Variants in UNC13C observed in about 807,000 individuals in gnomAD.
The protein encoded by UNC13C is unc-13 homolog C.
Under a neutral mutation model 245.4 loss-of-function variants are expected in UNC13C, and 174 were observed. The ratio of observed to expected loss-of-function variants is 0.71; its 90% CI spans 0.63 to 0.80. The LOEUF is 0.80. Ranked by LOEUF, UNC13C falls within the 30% of genes least tolerant of loss-of-function variation. The pLI, the probability that UNC13C is intolerant of heterozygous loss-of-function variation, is 0.00. For missense variants in UNC13C, 2,829 were observed against 2,602.9 expected (o/e 1.09, Z -1.89); for synonymous variants, 992 against 895.1 (o/e 1.11, Z -1.93).
chr15:54,503,802 A>G (rs1274070482), intron 22 of UNC13C, among the ~76,000 whole-genome samples: 1 of 152,202 alleles, frequency 6.6e-6, no homozygotes. Flanking sequence ...CTGACTAATT[A>G]GTCTTGAAAA....
chr15:53,941,175 G>C, the UNC13C span, among the ~76,000 whole-genome samples: 6 of 152,078 alleles, frequency 3.9e-5, no homozygotes, highest in Non-Finnish European at 8.8e-5. Context: ...TCTGATCTTT[G>C]ACAAACCTGG....
the UNC13C span, among the ~76,000 whole-genome samples, chr15:53,920,376 A>T: frequency 6.6e-6 from 1 of 152,114 alleles, no homozygotes; most frequent in Non-Finnish European, 1.5e-5. Context: ...CAACATGATG[A>T]AACCCTGTCT....
At chr15:54,301,626 T>A (rs1427299465) in intron 13 of UNC13C, among the ~76,000 whole-genome samples, 1 of 152,198 alleles carries the variant, frequency 6.6e-6, no homozygotes, top group African/African-American at 2.4e-5. Context: ...ACTCATCCTT[T>A]TTTATAGCTG....
chr15:53,888,497 G>A, the UNC13C span, among the ~76,000 whole-genome samples: 1 of 152,124 alleles, frequency 6.6e-6, no homozygotes, highest in African/African-American at 2.4e-5. Flanking sequence ...CCTTCTGTAG[G>A]TTGCCTGATC....
At chr15:53,924,044 A>AC in the UNC13C span, among the ~76,000 whole-genome samples, 1 of 151,968 alleles carries the variant, frequency 6.6e-6, no homozygotes, top group African/African-American at 2.4e-5. Context: ...CTCTACTAAA[A>AC]ACACACAAAA....
rs1284204005 is a variant in UNC13C, at chr15:54,004,624, C to T, written c.-256-8024C>T. ...GTGGTTGTAGTAATTTACATTCCCA[C>T]CAATAGTATACAAGGGCTTCCTTTT... On this transcript the variant is annotated intron_variant, in intron 1 of 32. Coordinates refer to ENST00000260323, the MANE Select transcript of UNC13C (RefSeq NM_001080534.3). Among the ~76,000 whole-genome samples, 4 of 152,180 alleles carry T rather than the reference C, an allele frequency of 2.6e-5. No homozygotes were observed. The East Asian group carries it at 7.7e-4, about 29-fold the overall frequency.
rs142970642 is a variant in UNC13C at position 54,443,623 on chromosome 15, A to G, written c.4933+28556A>G. Among the ~76,000 whole-genome samples the G allele has an allele frequency of 6.9e-3, 1,049 of 152,118 alleles. 11 individuals are homozygous for G. The highest frequency in any genetic ancestry group is 0.024 in the African/African-American group (1,004 of 41,540). ...TGTGTTTCTATTTTTATTTGTTTCA[A>G]TAAACTTTCTGATTTTCATCTGGAT... On this transcript the variant is annotated intron_variant, in intron 19 of 32. Transcript: ENST00000260323.
chr15:54,263,003 T>C (rs1312325835), intron 8 of UNC13C, among the ~76,000 whole-genome samples: 1 of 152,196 alleles, frequency 6.6e-6, no homozygotes, highest in East Asian at 1.9e-4. Flanking sequence ...ACATTACTGA[T>C]ATTATCTTTT....
At chr15:53,990,240 CTT>C (rs763521927) in intron 1 of UNC13C, among the ~76,000 whole-genome samples, 66 of 152,110 alleles carry the variant, frequency 4.3e-4, no homozygotes, top group African/African-American at 1.5e-3. Context: ...ATTCAGGACT[CTT>C]TGAATTATCC....
Position 54,627,141 on chromosome 15 carries a change from C to G in UNC13C, c.*28C>G. 6.3e-7 allele frequency: 1 copy of G among 1,578,546 alleles called. No individual in the cohort carries two copies. Among genetic ancestry groups the G allele is most frequent in the Non-Finnish European group, 8.6e-7 (1 of 1,162,676 alleles). ...CAAACACTGCAAGCTAAATACATAACTATAATTGTTTGACTACTGCATGCA... is the reference window on the plus strand; with the variant it reads ...CAAACACTGCAAGCTAAATACATAAGTATAATTGTTTGACTACTGCATGCA... On this transcript the variant is annotated 3_prime_UTR_variant, in exon 33 of 33. Transcript: ENST00000260323.
At chr15:54,459,749 C>G (rs1014289310) in intron 19 of UNC13C, among the ~76,000 whole-genome samples, 1 of 151,726 alleles carries the variant, frequency 6.6e-6, no homozygotes, top group Non-Finnish European at 1.5e-5. Context: ...AAGTTGTGCT[C>G]GTCTTTTCTT....
intron 18 of UNC13C, among the ~76,000 whole-genome samples, chr15:54,405,670 C>A (rs1175138875): frequency 1.3e-4 from 20 of 152,054 alleles, no homozygotes; most frequent in Admixed American, 1.2e-3. Context: ...CCATTAGTTA[C>A]CCAGAAATTG....
At chr15:53,973,924 T>G (rs1893618129), upstream of UNC13C, among the ~76,000 whole-genome samples, 1 of 152,196 alleles carries the variant, frequency 6.6e-6, no homozygotes, top group Admixed American at 6.5e-5. Context: ...ATTGTGCCAT[T>G]TATTATGCTT....
rs541132626 is a variant in UNC13C at position 54,626,238 on chromosome 15, G to A, written c.6360-590G>A. ...TTAGGAGAGGCCACACACTTGACAGGTCTAACTGTTACCATAGGAAAGAAT... is the reference window on the plus strand; with the variant it reads ...TTAGGAGAGGCCACACACTTGACAGATCTAACTGTTACCATAGGAAAGAAT... On this transcript the variant is annotated intron_variant, in intron 32 of 32. Transcript: ENST00000260323. 3.3e-5 allele frequency among the ~76,000 whole-genome samples: 5 copies of A among 152,206 alleles called. No individual in the cohort carries two copies. The South Asian group carries it at 1.0e-3, about 32-fold the overall frequency.
At chr15:54,256,346 TA>T (rs1210411778) in intron 8 of UNC13C, among the ~76,000 whole-genome samples, 1 of 152,204 alleles carries the variant, frequency 6.6e-6, no homozygotes, top group African/African-American at 2.4e-5. Flanking sequence ...AATTCTACGA[TA>T]TTGTGTCTGT....
chr15:54,628,812 G>GTTTGT (rs1555404856), downstream of UNC13C: 2 of 152,076 alleles, frequency 1.3e-5, no homozygotes, highest in African/African-American at 4.8e-5. Context: ...AAAAATGTTT[G>GTTTGT]TTTGTTTATA....
intron 24 of UNC13C, among the ~76,000 whole-genome samples, chr15:54,516,781 C>T (rs1042588443): frequency 2.4e-5 from 3 of 126,296 alleles, no homozygotes; most frequent in African/African-American, 3.3e-5. Flanking sequence ...GCCTGGAAAA[C>T]GGAGTGAGAT....
chr15:54,401,497 AAG>A (rs2040183139), intron 18 of UNC13C, among the ~76,000 whole-genome samples: 1 of 152,146 alleles, frequency 6.6e-6, no homozygotes, highest in Non-Finnish European at 1.5e-5. Flanking sequence ...AAGAAATACT[AAG>A]AGTGAATCGG....
upstream of UNC13C, among the ~76,000 whole-genome samples, chr15:53,973,608 GA>G (rs1277482420): frequency 2.0e-5 from 3 of 150,802 alleles, no homozygotes; most frequent in South Asian, 2.1e-4. Context: ...CCAAAAAGTG[GA>G]AAAAAAATTT....
Sources: gnomAD v4.1 joint callset for allele counts (sites outside exome capture counted in the v4.1 genomes callset) on GRCh38, gnomAD v4.1.1 for gene constraint, MANE v1.5 for transcripts, NCBI Gene and HGNC (gene_info 2026-07-23, HGNC 2026-07-21) for gene names.